The following SLC17A6 variants were observed in gnomAD, a reference collection of about 807,000 sequenced individuals.
SLC17A6 encodes the protein vesicular glutamate transporter 2.
Under a neutral mutation model 67.1 loss-of-function variants are expected in SLC17A6, and 35 were observed. The ratio of observed to expected loss-of-function variants is 0.52; its 90% confidence interval spans 0.40 to 0.69. The LOEUF is 0.69. Among genes scored for constraint, SLC17A6 ranks in the 30% least tolerant of loss-of-function variants. The pLI is 0.00. For synonymous variants in SLC17A6, 285 were observed against 252.3 expected, an observed-to-expected ratio of 1.13 and a Z score of -1.23; for missense variants, 588 against 723.9, an observed-to-expected ratio of 0.81 and a Z score of 2.15.
At chr11:22,370,922 T>C (rs1856168683) in intron 8 of SLC17A6, among the ~76,000 whole-genome samples, 1 of 152,108 alleles carries the variant, frequency 6.6e-6, no homozygotes, top group South Asian at 2.1e-4. Flanking sequence ...TATCTTTATA[T>C]AGGAACTCGA....
intron 7 of SLC17A6, among the ~76,000 whole-genome samples, chr11:22,367,681 T>A (rs913429040): frequency 6.6e-6 from 1 of 152,216 alleles, no homozygotes; most frequent in African/African-American, 2.4e-5. Context: ...AGAGGTCATA[T>A]GTCTAGATTA....
chr11:22,372,674 TA>T (rs898021239), intron 8 of SLC17A6, among the ~76,000 whole-genome samples: 30 of 152,048 alleles, frequency 2.0e-4, no homozygotes, highest in Non-Finnish European at 1.5e-5. Context: ...CCAGAAAAGC[TA>T]AAAGAAGGAT....
chr11:22,339,151 A>ATAT (rs57725309), intron 1 of SLC17A6, among the ~76,000 whole-genome samples: 4,400 of 29,574 alleles, frequency 0.15, 827 homozygotes, highest in African/African-American at 0.26. Flanking sequence ...TGTTATATAT[A>ATAT]GTTATATATA....
intron 8 of SLC17A6, among the ~76,000 whole-genome samples, chr11:22,372,216 T>C (rs1856181901): frequency 6.6e-6 from 1 of 151,820 alleles, no homozygotes; most frequent in African/African-American, 2.4e-5. Context: ...GCACTGTATA[T>C]ATAAATAAAA....
chr11:22,367,289 A>C (rs74796658), intron 7 of SLC17A6, among the ~76,000 whole-genome samples: 2,135 of 152,230 alleles, frequency 0.014, 58 homozygotes, highest in African/African-American at 0.049. Flanking sequence ...GTTAAAAAAA[A>C]AAAAAGTCTA....
At chr11:22,343,224 AC>A (rs1444829413) in intron 2 of SLC17A6, 22 bp from the exon 3 acceptor site, 1 of 1,591,534 alleles carries the variant, frequency 6.3e-7, no homozygotes. Context: ...TTCCCTTCAC[AC>A]TTTTTTCCTA....
At chr11:22,361,237 T>G in intron 5 of SLC17A6, 1 of 380,704 alleles carries the variant, frequency 2.6e-6, no homozygotes, top group Non-Finnish European at 4.8e-6. Context: ...TATTCATGGG[T>G]GGTTTTTATA....
chr11:22,343,287 T>C lies in SLC17A6; in HGVS notation c.380T>C (p.Ile127Thr). ...TGGGACCCGGAAACCGTGGGGATGA[T>C]CCACGGTTCCTTCTTTTGGGGCTAC... ...FNWDPETVGMIHGSFFWGYII... is the reference protein window; with the variant it reads ...FNWDPETVGMTHGSFFWGYII... Residue 127 changes from isoleucine to threonine, a missense_variant, in exon 3 of 12, where the codon ATC (isoleucine) becomes ACC (threonine). By Grantham distance (89) the Ile-to-Thr change is moderately conservative. Transcript: ENST00000263160. 1 of 1,612,504 alleles carries C rather than the reference T, an allele frequency of 6.2e-7. No individual in the cohort carries two copies. The highest frequency in any genetic ancestry group is 8.5e-7 in the Non-Finnish European group (1 of 1,179,610).
intron 3 of SLC17A6, among the ~76,000 whole-genome samples, chr11:22,346,423 T>C (rs982981026): frequency 3.9e-5 from 6 of 152,112 alleles, no homozygotes; most frequent in African/African-American, 1.4e-4. Context: ...TTCCTGATCA[T>C]TGAGAGGAGG....
intron 3 of SLC17A6, among the ~76,000 whole-genome samples, chr11:22,345,951 A>G (rs747886855): frequency 3.3e-5 from 5 of 152,200 alleles, no homozygotes; most frequent in Non-Finnish European, 7.3e-5. Flanking sequence ...TAAACACAAA[A>G]TCAGAGATTT....
At chr11:22,348,576 C>T (rs1177443160) in intron 3 of SLC17A6, among the ~76,000 whole-genome samples, 2 of 152,136 alleles carry the variant, frequency 1.3e-5, no homozygotes, top group South Asian at 4.1e-4. Context: ...TCAGTTTGGG[C>T]TCTTAGAACT....
chr11:22,374,247 G>A (rs1856205924), intron 8 of SLC17A6, among the ~76,000 whole-genome samples: 1 of 152,090 alleles, frequency 6.6e-6, no homozygotes, highest in Non-Finnish European at 1.5e-5. Flanking sequence ...ACTTAAAATT[G>A]AAGAAATTAT....
intron 8 of SLC17A6, among the ~76,000 whole-genome samples, chr11:22,371,133 A>G (rs1490641153): frequency 6.6e-6 from 1 of 152,124 alleles, no homozygotes; most frequent in Non-Finnish European, 1.5e-5. Context: ...TTACTATGCC[A>G]TTCAAATTCA....
rs184283313 is a variant in SLC17A6, at chr11:22,344,666, A to G, written c.458+1301A>G. Among the ~76,000 whole-genome samples the G allele has an allele frequency of 3.3e-5, 5 of 152,278 alleles. No homozygotes were observed. In the East Asian group the frequency reaches 7.7e-4, roughly 24 times the overall value. On this transcript the variant is annotated intron_variant, in intron 3 of 11. Coordinates refer to ENST00000263160, the MANE Select transcript of SLC17A6 (RefSeq NM_020346.3). ...ACAAACAGTCCCTTTAAAAAAATCA[A>G]TTTATTGTGTATATGTACCACATTT...
At chr11:22,358,362 A>T (rs1223139124) in intron 3 of SLC17A6, among the ~76,000 whole-genome samples, 1 of 152,156 alleles carries the variant, frequency 6.6e-6, no homozygotes, top group Non-Finnish European at 1.5e-5. Context: ...AGAATCTCAC[A>T]CTGTTGCCCG....
rs139133210 is a variant in SLC17A6, at chr11:22,365,748, A to C, written c.891+59A>C. Reference sequence around the variant, plus strand: ...TATTCCCATCTCGCCCCCATTGACCAACCAAACTATCTTACAAGTTCTTCC... The same window carrying C: ...TATTCCCATCTCGCCCCCATTGACCCACCAAACTATCTTACAAGTTCTTCC... On this transcript the variant is annotated intron_variant, in intron 7 of 11. Transcript: ENST00000263160. 8.4e-3 allele frequency: 12,825 copies of C among 1,524,224 alleles called. 63 individuals carry two copies. Among genetic ancestry groups the C allele is most frequent in the Middle Eastern group, 0.01 (52 of 5,156 alleles). 94.4% of individuals were successfully genotyped at this position (1,524,224 alleles called of 1,614,324 possible). A position where few individuals can be genotyped will look rare whatever the true frequency, so the allele number is the denominator to read the frequency against.
Position 22,341,566 on chromosome 11 carries a change from A to T in SLC17A6, c.125A>T (p.Glu42Val), listed in dbSNP as rs1394421965. The T allele has an allele frequency of 1.2e-5, 20 of 1,613,852 alleles. No individual in the cohort carries two copies. The highest frequency in any genetic ancestry group is 1.4e-5 in the Non-Finnish European group (17 of 1,180,024). The change falls in exon 2 of 12, where the codon GAG becomes GTG. Residue 42 changes from glutamate to valine, a missense_variant. Glu to Val is a moderately radical substitution (Grantham distance 121). Around this residue, in one of 4 missense-constraint regions of SLC17A6, gnomAD observed 117 missense variants for 98.7 expected, o/e 1.19. Coordinates refer to ENST00000263160, the MANE Select transcript of SLC17A6 (RefSeq NM_020346.3). ...AAGCAAGACACCGGGGAGACAATCG[A>T]GCTGACGGAGGATGGGAAGCCCCTA... is the stretch of plus-strand genomic sequence containing the variant. ...EKKQDTGETI[E>V]LTEDGKPLEV... is the part of the protein sequence containing the mutation.
chr11:22,338,963 C>A (rs1056430447), intron 1 of SLC17A6, among the ~76,000 whole-genome samples: 1 of 150,050 alleles, frequency 6.7e-6, no homozygotes, highest in Non-Finnish European at 1.5e-5. Flanking sequence ...TCTTTTGGTG[C>A]TTATAGATAC....
chr11:22,340,247 C>A (rs1220493192), intron 1 of SLC17A6, among the ~76,000 whole-genome samples: 4 of 152,322 alleles, frequency 2.6e-5, no homozygotes, highest in African/African-American at 9.6e-5. Context: ...GAAAAAATAT[C>A]TGCAAATTGT....
Sources: allele counts gnomAD v4.1 joint callset (sites outside exome capture counted in the v4.1 genomes callset), GRCh38; gene constraint gnomAD v4.1.1; regional missense constraint gnomAD v4.1.1; transcripts MANE v1.5; gene names NCBI Gene and HGNC (gene_info 2026-07-23, HGNC 2026-07-21).